Variants in BORCS5 observed in about 807,000 individuals in gnomAD.
BORCS5 encodes BLOC-1 related complex subunit 5.
A neutral mutation model predicts 22.1 loss-of-function variants in BORCS5; 17 were observed. The ratio of observed to expected loss-of-function variants is 0.77; its 90% CI spans 0.53 to 1.15. The LOEUF (loss-of-function observed/expected upper bound fraction) is 1.15, where lower values mean the gene tolerates loss of function less well. BORCS5 is among the 50% of genes most tolerant of loss of function. The pLI, the probability that BORCS5 is intolerant of heterozygous loss-of-function variation, is 0.00. For synonymous variants in BORCS5, 117 were observed against 99.8 expected (o/e 1.17, Z -1.03); for missense variants, 247 against 253.2 (o/e 0.98, Z 0.17).
At chr12:12,375,649 A>G (rs1160268318) in intron 2 of BORCS5, among the ~76,000 whole-genome samples, 2 of 152,146 alleles carry the variant, frequency 1.3e-5, no homozygotes, top group Non-Finnish European at 2.9e-5. Context: ...AGTCATAGGT[A>G]TTTAATAACG....
intron 2 of BORCS5, among the ~76,000 whole-genome samples, chr12:12,369,030 G>T (rs1592057096): frequency 2.0e-5 from 3 of 152,224 alleles, no homozygotes; most frequent in African/African-American, 7.2e-5. Flanking sequence ...CTTAATGAAA[G>T]AGAGGTATTC....
intron 2 of BORCS5, among the ~76,000 whole-genome samples, chr12:12,397,328 T>C (rs1431591539): frequency 1.3e-5 from 2 of 152,150 alleles, no homozygotes; most frequent in African/African-American, 4.8e-5. Context: ...ACCAGGAACA[T>C]GCTCAAGTTG....
chr12:12,375,168 T>C (rs1415693467), intron 2 of BORCS5, among the ~76,000 whole-genome samples: 1 of 152,054 alleles, frequency 6.6e-6, no homozygotes, highest in Non-Finnish European at 1.5e-5. Flanking sequence ...CCTGCCACCA[T>C]GCCCGGCTAA....
In BORCS5 at chr12:12,357,097, C is replaced by G. The variant is rs1465341064; in HGVS notation, c.-355C>G. Reference sequence around the variant, plus strand: ...CCGCCCATCTGCGTCCCGGAAGGAGCGAGCTTGCGGAGCGTGAACCAGTGA... The same window carrying G: ...CCGCCCATCTGCGTCCCGGAAGGAGGGAGCTTGCGGAGCGTGAACCAGTGA... On this transcript the variant is annotated 5_prime_UTR_variant, in exon 1 of 4. Transcript: ENST00000314565. The G allele has an allele frequency of 2.0e-6, 3 of 1,534,334 alleles. No homozygotes were observed. The highest frequency in any genetic ancestry group is 2.0e-5 in the Admixed American group (1 of 50,832).
chr12:12,406,686 A>G (rs1286457169), intron 2 of BORCS5, among the ~76,000 whole-genome samples: 1 of 152,174 alleles, frequency 6.6e-6, no homozygotes, highest in Non-Finnish European at 1.5e-5. Context: ...ATTGCTGTTA[A>G]CCATATAAAA....
At chr12:12,453,332 T>C (rs1942946286) in intron 3 of BORCS5, among the ~76,000 whole-genome samples, 1 of 152,198 alleles carries the variant, frequency 6.6e-6, no homozygotes, top group Non-Finnish European at 1.5e-5. Context: ...TTGGGGTTAG[T>C]CGATGCATGG....
intron 2 of BORCS5, among the ~76,000 whole-genome samples, chr12:12,431,792 C>G (rs376842392): frequency 1.3e-5 from 2 of 151,570 alleles, no homozygotes; most frequent in Admixed American, 6.6e-5. Context: ...CTCCCGGGTT[C>G]GAGAGATTCT....
At chr12:12,447,247 G>A (rs1055482463) in intron 3 of BORCS5, among the ~76,000 whole-genome samples, 1 of 152,152 alleles carries the variant, frequency 6.6e-6, no homozygotes, top group African/African-American at 2.4e-5. Context: ...CCTGACTTCT[G>A]CTGTGCCCCC....
chr12:12,377,331 A>G (rs1863678461), intron 2 of BORCS5, among the ~76,000 whole-genome samples: 1 of 151,942 alleles, frequency 6.6e-6, no homozygotes, highest in Non-Finnish European at 1.5e-5. Context: ...GGCGCGCACC[A>G]CCATGCCTGG....
chr12:12,433,420 C>T (rs1942480670), intron 2 of BORCS5, among the ~76,000 whole-genome samples: 1 of 151,046 alleles, frequency 6.6e-6, no homozygotes, highest in South Asian at 2.1e-4. Flanking sequence ...GGGAGGATCT[C>T]TTGAGCTTAG....
At chr12:12,414,788 T>G (rs1327514546) in intron 2 of BORCS5, among the ~76,000 whole-genome samples, 1 of 132,280 alleles carries the variant, frequency 7.6e-6, no homozygotes, top group East Asian at 2.2e-4. Flanking sequence ...TCCTCACTTC[T>G]CAGACGGGGC....
intron 2 of BORCS5, among the ~76,000 whole-genome samples, chr12:12,414,690 A>G (rs1357449137): frequency 5.5e-5 from 4 of 73,038 alleles, no homozygotes; most frequent in African/African-American, 1.4e-4. Context: ...CGGGGGGCTG[A>G]CCCCCCCCAC....
intron 2 of BORCS5, among the ~76,000 whole-genome samples, chr12:12,424,163 T>G (rs997353517): frequency 6.6e-6 from 1 of 152,288 alleles, no homozygotes; most frequent in Middle Eastern, 3.4e-3. Context: ...CTTTTGGGAC[T>G]CCCACAATGC....
intron 2 of BORCS5, among the ~76,000 whole-genome samples, chr12:12,374,549 A>T (rs897388589): frequency 2.0e-5 from 3 of 151,514 alleles, no homozygotes; most frequent in Admixed American, 6.6e-5. Context: ...CTGAAGTGGG[A>T]GGATCACTTG....
At chr12:12,448,209 TTTTA>T (rs1005376825) in intron 3 of BORCS5, among the ~76,000 whole-genome samples, 76 of 152,182 alleles carry the variant, frequency 5.0e-4, no homozygotes, top group African/African-American at 1.8e-3. Context: ...ATTCTTTTAT[TTTTA>T]TTTATTTATT....
chr12:12,460,942 A>G (rs934774803), intron 3 of BORCS5, among the ~76,000 whole-genome samples: 2 of 152,208 alleles, frequency 1.3e-5, no homozygotes, highest in African/African-American at 4.8e-5. Context: ...GGCCCGCACC[A>G]TCCATATAAG....
At chr12:12,381,624 C>A (rs1355962390) in intron 2 of BORCS5, among the ~76,000 whole-genome samples, 1 of 151,368 alleles carries the variant, frequency 6.6e-6, no homozygotes, top group African/African-American at 2.4e-5. Context: ...CCATGCTTAC[C>A]TAGATTTTCT....
At chr12:12,406,456 A>G (rs531500448) in intron 2 of BORCS5, among the ~76,000 whole-genome samples, 2 of 152,292 alleles carry the variant, frequency 1.3e-5, no homozygotes, top group Admixed American at 6.5e-5. Flanking sequence ...CCCATTACCC[A>G]TTGGAGCTAA....
At chr12:12,396,075 C>T (rs1004830054) in intron 2 of BORCS5, among the ~76,000 whole-genome samples, 11 of 152,004 alleles carry the variant, frequency 7.2e-5, no homozygotes, top group Non-Finnish European at 1.5e-4. Context: ...GCTCACTCCG[C>T]CCCCTGGGTT....
Sources: allele counts gnomAD v4.1 joint callset (sites outside exome capture counted in the v4.1 genomes callset), GRCh38; gene constraint gnomAD v4.1.1; transcripts MANE v1.5; gene names NCBI Gene and HGNC (gene_info 2026-07-23, HGNC 2026-07-21).